TMEM131: variants seen among roughly 807,000 people sequenced by gnomAD.
TMEM131 encodes transmembrane protein 131, also known as 2610524E03Rik.
Under a neutral mutation model 211.6 loss-of-function variants are expected in TMEM131, and 66 were observed. The ratio of observed to expected loss-of-function variants is 0.31; its 90% CI spans 0.26 to 0.38. The LOEUF (loss-of-function observed/expected upper bound fraction) is 0.38. Among genes scored for constraint, TMEM131 ranks in the 10% least tolerant of loss-of-function variants. The pLI is 1.00. For synonymous variants in TMEM131, 844 were observed against 841.3 expected, an observed-to-expected ratio of 1.00 and a Z score of -0.06; for missense variants, 2,036 against 2,299.3, an observed-to-expected ratio of 0.89 and a Z score of 2.34.
At chr2:97,976,947 G>A (rs1234371441) in intron 1 of TMEM131, among the ~76,000 whole-genome samples, 1 of 125,746 alleles carries the variant, frequency 8.0e-6, no homozygotes, top group Non-Finnish European at 1.6e-5. Context: ...TAGAAGAACT[G>A]GTTATTTATA....
In TMEM131 at chr2:97,792,570, C is replaced by A. The variant is rs1367431589; in HGVS notation, c.3960G>T (p.Arg1320Ser). 9 of 1,613,216 alleles carry A rather than the reference C, an allele frequency of 5.6e-6. No individual in the cohort carries two copies. Among genetic ancestry groups the A allele is most frequent in the Non-Finnish European group, 7.6e-6 (9 of 1,179,624 alleles). Residue 1320 changes from arginine to serine, a missense_variant, in exon 31 of 41, where the codon AGG becomes AGT. Arg to Ser is a moderately radical substitution (Grantham distance 110). This residue lies in a region of TMEM131 where 1,623 missense variants were observed against 1,805.9 expected (regional missense o/e 0.90). Transcript: ENST00000186436. ...VPQPQEPQPE[R>S]LSPAPLAHPS... ...GGTGTGCGAGGGGGGCGGGAGACAG[C>A]CTTTCAGGCTGCGGCTCCTGGGGCT...
intron 1 of TMEM131, among the ~76,000 whole-genome samples, chr2:97,942,969 A>C: frequency 7.3e-6 from 1 of 137,432 alleles, no homozygotes; most frequent in African/African-American, 2.9e-5. Flanking sequence ...AAAAAAAAAG[A>C]AAGAAAGAAA....
chr2:97,875,592 G>T (rs1048748537), intron 4 of TMEM131, among the ~76,000 whole-genome samples: 3 of 152,076 alleles, frequency 2.0e-5, no homozygotes, highest in Non-Finnish European at 2.9e-5. Context: ...CTACATGGAA[G>T]TTGAACAACC....
intron 34 of TMEM131, 26 bp from the exon 35 acceptor site, chr2:97,766,289 G>A: frequency 6.2e-7 from 1 of 1,613,234 alleles, no homozygotes. Flanking sequence ...AAAAGAACAT[G>A]GTTAATGGAG....
intron 25 of TMEM131, among the ~76,000 whole-genome samples, chr2:97,798,266 T>A (rs1468584584): frequency 6.6e-6 from 1 of 152,240 alleles, no homozygotes; most frequent in Non-Finnish European, 1.5e-5. Flanking sequence ...AGGTCACATA[T>A]AAGGATATAC....
chr2:97,971,607 A>G (rs1034625090), intron 1 of TMEM131, among the ~76,000 whole-genome samples: 3 of 152,252 alleles, frequency 2.0e-5, no homozygotes, highest in African/African-American at 7.2e-5. Context: ...AATGCTATGT[A>G]TGACAGACAG....
Position 97,805,643 on chromosome 2 carries a change from G to T in TMEM131, c.2116C>A (p.Gln706Lys), listed in dbSNP as rs1388921114. Residue 706 changes from glutamine to lysine, a missense_variant, in exon 20 of 41, where the codon CAG becomes AAG. Physicochemically the swap from Gln to Lys is moderately conservative, Grantham distance 53. Transcript: ENST00000186436. Reference sequence around the variant, plus strand: ...TCTTCTGACAAAGATCGTATTTGCTGTATTTTTACCTTCTGTGAGAAGGAA... The same window carrying T: ...TCTTCTGACAAAGATCGTATTTGCTTTATTTTTACCTTCTGTGAGAAGGAA... The part of the protein sequence containing the change: ...MNSFSQKVKI[Q>K]QIRSLSEDVR... 2.5e-6 allele frequency: 4 copies of T among 1,610,216 alleles called. No homozygotes were observed. The highest frequency in any genetic ancestry group is 3.4e-6 in the Non-Finnish European group (4 of 1,177,266).
At chr2:97,812,583 TCACAA>T (rs765598072) in intron 16 of TMEM131, 28 bp from the exon 17 acceptor site, 52 of 1,595,894 alleles carry the variant, frequency 3.3e-5, no homozygotes, top group Non-Finnish European at 4.2e-5. Flanking sequence ...AAAATGATTA[TCACAA>T]CACAAGCATA....
At chr2:97,946,357 A>G (rs1678043791) in intron 1 of TMEM131, among the ~76,000 whole-genome samples, 3 of 152,060 alleles carry the variant, frequency 2.0e-5, no homozygotes, top group Admixed American at 1.3e-4. Context: ...AAATTGATAA[A>G]CATCTAGCTA....
rs368006499 is a variant in TMEM131 at position 97,792,521 on chromosome 2, T to C, written c.4009A>G (p.Ser1337Gly). The C allele has an allele frequency of 1.3e-5, 21 of 1,613,482 alleles. No individual in the cohort carries two copies. The highest frequency in any genetic ancestry group is 1.7e-5 in the Admixed American group (1 of 59,906). ...AHPSHPERAS[S>G]ARHSSEDSDI... ...GAGTCCTCGGAACTGTGCCTCGCGCTGCTGGCACGTTCTGGGTGGGAAGGG... is the reference window on the plus strand; with the variant it reads ...GAGTCCTCGGAACTGTGCCTCGCGCCGCTGGCACGTTCTGGGTGGGAAGGG... The change falls in exon 31 of 41, where the codon AGC becomes GGC. Residue 1337 changes from serine to glycine, a missense_variant. Transcript: ENST00000186436.
intron 1 of TMEM131, among the ~76,000 whole-genome samples, chr2:97,957,696 T>C (rs781350983): frequency 5.3e-5 from 8 of 152,218 alleles, no homozygotes; most frequent in Non-Finnish European, 7.3e-5. Flanking sequence ...AGGACAAAAG[T>C]TTCCTGTTTT....
chr2:97,975,840 A>C lies in TMEM131; in HGVS notation c.187+19636T>G, dbSNP rs923684564. On this transcript the variant is annotated intron_variant, in intron 1 of 40. Coordinates refer to ENST00000186436, the MANE Select transcript of TMEM131 (RefSeq NM_015348.2). ...AAAAAAAAAAAAGACCAATATTCCT[A>C]ATGACCAAAGATACAAAAATTCTAA... 5.9e-5 allele frequency among the ~76,000 whole-genome samples: 9 copies of C among 151,704 alleles called. 1 individual carries two copies. The East Asian group carries it at 1.7e-3, about 29-fold the overall frequency.
At chr2:97,814,538 T>C in intron 13 of TMEM131, 150 bp from the exon 14 acceptor site, 1 of 829,864 alleles carries the variant, frequency 1.2e-6, no homozygotes, top group Non-Finnish European at 1.7e-6. Context: ...AGTGATTGAC[T>C]ATATGATTTA....
At chr2:97,955,502 G>T (rs190771240) in intron 1 of TMEM131, among the ~76,000 whole-genome samples, 214 of 152,256 alleles carry the variant, frequency 1.4e-3, no homozygotes, top group African/African-American at 5.1e-3. Context: ...GAATAAAATT[G>T]TCCGTATTGG....
intron 2 of TMEM131, 71 bp downstream of exon 2, chr2:97,927,355 T>G: frequency 8.2e-7 from 1 of 1,224,598 alleles, no homozygotes; most frequent in Non-Finnish European, 1.1e-6. Flanking sequence ...CAATTACATT[T>G]TTAAAAGAAA....
At chr2:97,901,329 A>G (rs538357573) in intron 3 of TMEM131, among the ~76,000 whole-genome samples, 6 of 152,148 alleles carry the variant, frequency 3.9e-5, no homozygotes, top group Non-Finnish European at 5.9e-5. Context: ...GTTTTCTTCA[A>G]GTAGTTTTAT....
At chr2:97,881,295 C>A (rs6543192) in intron 4 of TMEM131, among the ~76,000 whole-genome samples, 2 of 150,920 alleles carry the variant, frequency 1.3e-5, no homozygotes, top group African/African-American at 4.9e-5. Context: ...CTGGAGTGCA[C>A]TGTTGTGATC....
In TMEM131 at chr2:97,840,444, G is replaced by A. The variant is rs945849055; in HGVS notation, c.723+1371C>T. On this transcript the variant is annotated intron_variant, in intron 7 of 40. Transcript: ENST00000186436. ...GCAGTCGGGTCTAACGGAGTAAGAG[G>A]CCAGGCACAGTGGCACATGCCTGTC... 1.3e-5 allele frequency among the ~76,000 whole-genome samples: 2 copies of A among 152,208 alleles called. 1 individual carries two copies. Among genetic ancestry groups the A allele is most frequent in the South Asian group, 4.1e-4 (2 of 4,836 alleles).
intron 25 of TMEM131, 128 bp from the exon 26 acceptor site, chr2:97,797,644 G>C (rs1171877020): frequency 2.6e-6 from 2 of 758,968 alleles, no homozygotes; most frequent in Admixed American, 6.1e-5. Flanking sequence ...AATTTTATCT[G>C]TCATGTTTAG....
Sources: gnomAD v4.1 joint callset for allele counts (sites outside exome capture counted in the v4.1 genomes callset) on GRCh38, gnomAD v4.1.1 for gene constraint, gnomAD v4.1.1 regional missense constraint, MANE v1.5 for transcripts, NCBI Gene and HGNC (gene_info 2026-07-23, HGNC 2026-07-21) for gene names.